Variants in DRC4 observed in about 807,000 individuals in gnomAD.
DRC4 encodes the protein GAS-11.
At chr16:90,042,091 C>T in the DRC4 span, among the ~76,000 whole-genome samples, 1 of 152,032 alleles carries the variant, frequency 6.6e-6, no homozygotes, top group Non-Finnish European at 1.5e-5. Flanking sequence ...AGGTGTGAGC[C>T]ACCGTGCCCG....
the DRC4 span, chr16:90,037,223 T>TGCCTGC: frequency 1.2e-5 from 20 of 1,602,692 alleles, no homozygotes; most frequent in African/African-American, 2.7e-5. Flanking sequence ...CCTGTGCTTG[T>TGCCTGC]GCCTGCAGGA....
the DRC4 span, among the ~76,000 whole-genome samples, chr16:90,025,728 C>G: frequency 3.3e-5 from 4 of 122,676 alleles, no homozygotes; most frequent in African/African-American, 1.2e-4. Context: ...TACTAAAATA[C>G]AAAAAAAAAT....
the DRC4 span, among the ~76,000 whole-genome samples, chr16:90,028,726 G>GCCTCTGC: frequency 1.3e-5 from 2 of 152,190 alleles, no homozygotes; most frequent in South Asian, 2.1e-4. Flanking sequence ...GCACCCTCTG[G>GCCTCTGC]CCTCTGCCCT....
the DRC4 span, among the ~76,000 whole-genome samples, chr16:90,024,733 C>G: frequency 6.6e-6 from 1 of 152,008 alleles, no homozygotes; most frequent in African/African-American, 2.4e-5. Flanking sequence ...TCTTTTAATT[C>G]CTGTTCCAGT....
the DRC4 span, chr16:90,032,642 G>T: frequency 1.5e-6 from 2 of 1,375,190 alleles, no homozygotes; most frequent in South Asian, 2.4e-5. Flanking sequence ...TGCTATGGGT[G>T]ACCAGGTGTG....
At chr16:90,042,497 ATCAAG>A in the DRC4 span, 1 of 1,613,804 alleles carries the variant, frequency 6.2e-7, no homozygotes, top group Admixed American at 1.7e-5. Flanking sequence ...GAACAGCACC[ATCAAG>A]GACCTGCAGT....
chr16:90,037,711 G>A, the DRC4 span: 2 of 1,539,696 alleles, frequency 1.3e-6, no homozygotes, highest in Non-Finnish European at 9.0e-7. Flanking sequence ...TTACTTGGAT[G>A]ACTGTGAATC....
the DRC4 span, among the ~76,000 whole-genome samples, chr16:90,032,418 T>C: frequency 2.1e-5 from 3 of 143,606 alleles, no homozygotes; most frequent in African/African-American, 7.9e-5. Context: ...GGTACAGGTG[T>C]GGTATGGGTG....
the DRC4 span, chr16:90,044,691 A>C: frequency 2.2e-6 from 1 of 455,576 alleles, no homozygotes; most frequent in Non-Finnish European, 4.6e-6. Context: ...CTGGGTCTGC[A>C]TCCCAGTGGG....
the DRC4 span, chr16:90,019,934 TG>T: frequency 4.1e-6 from 1 of 243,600 alleles, no homozygotes; most frequent in Non-Finnish European, 7.7e-6. The surrounding 1 kb of genome is among the most constrained non-coding windows in gnomAD (Gnocchi z 6.1). Context: ...CTTGGGAGGC[TG>T]GAAGGGGCGG....
At chr16:90,041,498 T>C in the DRC4 span, among the ~76,000 whole-genome samples, 1 of 152,012 alleles carries the variant, frequency 6.6e-6, no homozygotes, top group Non-Finnish European at 1.5e-5. Flanking sequence ...TGAAGACTAC[T>C]TTTTTCTGTT....
chr16:90,041,530 G>A, the DRC4 span, among the ~76,000 whole-genome samples: 2 of 152,342 alleles, frequency 1.3e-5, no homozygotes, highest in African/African-American at 4.8e-5. Flanking sequence ...GGATAGCCGG[G>A]CGCGGTGGCT....
At chr16:90,041,390 G>C in the DRC4 span, among the ~76,000 whole-genome samples, 4 of 152,208 alleles carry the variant, frequency 2.6e-5, no homozygotes, top group Non-Finnish European at 1.5e-5. Flanking sequence ...TCTAAAGCCA[G>C]GCTGGGCCCA....
At chr16:90,034,924 A>G in the DRC4 span, among the ~76,000 whole-genome samples, 7 of 72,368 alleles carry the variant, frequency 9.7e-5, no homozygotes, top group East Asian at 4.1e-4. Flanking sequence ...TTTTTTTGAG[A>G]TGGAGTTTTG....
the DRC4 span, chr16:90,031,148 G>T: frequency 6.7e-7 from 1 of 1,503,206 alleles, no homozygotes; most frequent in Non-Finnish European, 8.9e-7. Flanking sequence ...GAGCTTCCTA[G>T]CCTTATATTT....
chr16:90,040,135 G>A, the DRC4 span: 13 of 671,820 alleles, frequency 1.9e-5, no homozygotes, highest in Non-Finnish European at 3.4e-5. Context: ...CAAAGGGCCA[G>A]GGCGCAGGCA....
chr16:90,042,022 C>T, the DRC4 span, among the ~76,000 whole-genome samples: 1 of 151,944 alleles, frequency 6.6e-6, no homozygotes, highest in Non-Finnish European at 1.5e-5. Context: ...ACTGCAACCT[C>T]CGTTTCCCAG....
At chr16:90,031,613 T>C in the DRC4 span, 1 of 1,134,970 alleles carries the variant, frequency 8.8e-7, no homozygotes, top group South Asian at 1.6e-5. Context: ...GTCACAGCCT[T>C]AAAGGTGTTT....
At chr16:90,032,541 G>A in the DRC4 span, among the ~76,000 whole-genome samples, 2 of 144,658 alleles carry the variant, frequency 1.4e-5, no homozygotes, top group African/African-American at 5.2e-5. Flanking sequence ...GTGACCAGGT[G>A]TGTACAGGTA....
Sources: allele counts gnomAD v4.1 joint callset (sites outside exome capture counted in the v4.1 genomes callset), GRCh38; gene constraint gnomAD v4.1.1; non-coding constraint Gnocchi (gnomAD v3.1); transcripts MANE v1.5; gene names NCBI Gene and HGNC (gene_info 2026-07-23, HGNC 2026-07-21).